Variants in UGT1A6 observed in about 807,000 individuals in gnomAD.
UGT1A6 encodes UDP glucuronosyltransferase family 1 member A6, also known as UDP-glucuronosyltransferase 1A6.
Under a neutral mutation model 44.4 loss-of-function variants are expected in UGT1A6, and 32 were observed. That is an observed-to-expected ratio of 0.72 (90% CI 0.54 to 0.97). The LOEUF is 0.97. UGT1A6 is among the 50% of genes least tolerant of loss of function. UGT1A6 has a pLI of 0.00. For synonymous variants in UGT1A6, 238 were observed against 248.5 expected, an observed-to-expected ratio of 0.96 and a Z score of 0.40; for missense variants, 685 against 661.9, an observed-to-expected ratio of 1.03 and a Z score of -0.38.
At chr2:233,743,564 G>A (rs772866173) in intron 1 of UGT1A6, 83 of 1,367,154 alleles carry the variant, frequency 6.1e-5, no homozygotes, top group Non-Finnish European at 7.6e-5. Context: ...ATTCTCCAGC[G>A]GGTTTCCCAA....
chr2:233,730,339 G>T (rs954764150), intron 1 of UGT1A6, among the ~76,000 whole-genome samples: 16 of 152,296 alleles, frequency 1.1e-4, no homozygotes, highest in Non-Finnish European at 7.4e-5. Context: ...GTTTGGAACT[G>T]ATCCATCCTG....
chr2:233,760,377 A>G (rs1697424081), intron 1 of UGT1A6: 2 of 1,614,124 alleles, frequency 1.2e-6, no homozygotes, highest in Admixed American at 1.7e-5. Flanking sequence ...CTGGGAAGAT[A>G]CTGTTGATCC....
chr2:233,757,561 T>TATATATATATATATATATATATATATAA (rs71058576), intron 1 of UGT1A6, among the ~76,000 whole-genome samples: 1 of 121,180 alleles, frequency 8.3e-6, no homozygotes, highest in Admixed American at 7.9e-5. Context: ...TATATATATA[T>TATATATATATATATATATATATATATAA]GTATATATGA....
intron 1 of UGT1A6, among the ~76,000 whole-genome samples, chr2:233,758,021 T>C (rs949274852): frequency 2.0e-5 from 3 of 152,156 alleles, no homozygotes; most frequent in African/African-American, 7.2e-5. Context: ...TGTCTCTGTC[T>C]ACCTGACCCC....
chr2:233,724,340 A>ACC (rs1221376110), intron 1 of UGT1A6, among the ~76,000 whole-genome samples: 3 of 104,180 alleles, frequency 2.9e-5, no homozygotes, highest in East Asian at 3.0e-4. Flanking sequence ...CGGGGGGCTG[A>ACC]CCCCCCCCAC....
chr2:233,727,816 A>G (rs759645481), intron 1 of UGT1A6, among the ~76,000 whole-genome samples: 3 of 152,170 alleles, frequency 2.0e-5, no homozygotes, highest in Non-Finnish European at 4.4e-5. Context: ...GTTCTGTCCA[A>G]AGGTGGAATC....
At chr2:233,763,682 G>T (rs17864705) in intron 1 of UGT1A6, among the ~76,000 whole-genome samples, 10,348 of 152,178 alleles carry the variant, frequency 0.068, 497 homozygotes, top group East Asian at 0.2. Context: ...TAAGAATAAA[G>T]ATAAAACTTT....
Position 233,772,755 on chromosome 2 carries a change from G to A in UGT1A6, c.*196G>A, listed in dbSNP as rs997044425. On this transcript the variant is annotated 3_prime_UTR_variant, in exon 5 of 5. Transcript: ENST00000305139. Reference sequence around the variant, plus strand: ...CTAGTCAGTAAAGATATTTGAATATGTATCGTGCCCCCTCTGGTGTCTTTG... The same window carrying A: ...CTAGTCAGTAAAGATATTTGAATATATATCGTGCCCCCTCTGGTGTCTTTG... 9 of 1,407,806 alleles carry A rather than the reference G, an allele frequency of 6.4e-6. No homozygotes were observed. The African/African-American group carries it at 1.3e-4, about 20-fold the overall frequency. The allele number at this position is 1,407,806 out of a possible 1,614,324, so 87.2% of individuals were successfully genotyped here.
chr2:233,711,884 G>C (rs2076202262), intron 1 of UGT1A6, among the ~76,000 whole-genome samples: 1 of 152,204 alleles, frequency 6.6e-6, no homozygotes, highest in Non-Finnish European at 1.5e-5. Flanking sequence ...GGAGCAGGAC[G>C]AGTCTCATGG....
At chr2:233,729,659 G>A in intron 1 of UGT1A6, 1 of 1,613,886 alleles carries the variant, frequency 6.2e-7, no homozygotes, top group Non-Finnish European at 8.5e-7. Context: ...AACATTCCAT[G>A]TGATTTAGAC....
intron 1 of UGT1A6, among the ~76,000 whole-genome samples, chr2:233,703,748 A>C (rs2075751541): frequency 1.3e-5 from 2 of 152,070 alleles, no homozygotes; most frequent in Admixed American, 1.3e-4. Flanking sequence ...TTTAAATCTC[A>C]AATGTATCTT....
At chr2:233,745,320 A>T (rs1693070605) in intron 1 of UGT1A6, among the ~76,000 whole-genome samples, 1 of 151,792 alleles carries the variant, frequency 6.6e-6, no homozygotes, top group African/African-American at 2.4e-5. Flanking sequence ...TTTCCACTAG[A>T]ACTGCTATAT....
rs193084224 is a variant in UGT1A6 at position 233,739,721 on chromosome 2, A to C, written c.862-27313A>C. On this transcript the variant is annotated intron_variant, in intron 1 of 4. Coordinates refer to ENST00000305139, the MANE Select transcript of UGT1A6 (RefSeq NM_001072.4). ...ACAGGCTCATGGGGGAAGGGACTTG[A>C]CTTGTCTCAGATGAGACCTTGGACT... 9.4e-3 allele frequency among the ~76,000 whole-genome samples: 1,433 copies of C among 152,244 alleles called. 32 individuals are homozygous for C. The highest frequency in any genetic ancestry group is 0.032 in the African/African-American group (1,344 of 41,496).
intron 1 of UGT1A6, among the ~76,000 whole-genome samples, chr2:233,759,532 G>GTTC (rs994787528): frequency 5.4e-4 from 82 of 152,192 alleles, no homozygotes; most frequent in African/African-American, 1.9e-3. Flanking sequence ...GAAGACTTCT[G>GTTC]TTCACATGCG....
chr2:233,736,374 G>A lies in UGT1A6; in HGVS notation c.862-30660G>A, dbSNP rs183988627. On this transcript the variant is annotated intron_variant, in intron 1 of 4. Coordinates refer to ENST00000305139, the MANE Select transcript of UGT1A6 (RefSeq NM_001072.4). ...TTTCAGCTCCATCAGGTCATTTAAG[G>A]TCTTCTCTACAGTGTTTATTCTAGT... Among the ~76,000 whole-genome samples the A allele has an allele frequency of 2.8e-3, 425 of 152,220 alleles. 22 individuals carry two copies. The South Asian group carries it at 0.086, about 31-fold the overall frequency.
intron 1 of UGT1A6, chr2:233,760,407 G>A (rs749423657): frequency 4.3e-6 from 7 of 1,614,102 alleles, no homozygotes; most frequent in Non-Finnish European, 5.9e-6. Context: ...GCAGCCACTG[G>A]CTGAGCATGC....
chr2:233,747,362 G>T lies in UGT1A6; in HGVS notation c.862-19672G>T. 4 of 1,603,780 alleles carry T rather than the reference G, an allele frequency of 2.5e-6. No homozygotes were observed. In the South Asian group the frequency reaches 4.4e-5, roughly 18 times the overall value. On this transcript the variant is annotated intron_variant, in intron 1 of 4. Coordinates refer to ENST00000305139, the MANE Select transcript of UGT1A6 (RefSeq NM_001072.4). ...CTCGCATGCGGGAGGCCGTGCGGGA[G>T]CTCCATGCCAGAGGCCACCAGGCGG...
intron 1 of UGT1A6, among the ~76,000 whole-genome samples, chr2:233,748,374 A>G (rs1187650500): frequency 2.6e-5 from 4 of 151,848 alleles, no homozygotes; most frequent in African/African-American, 9.7e-5. Flanking sequence ...ATGGTTGTGC[A>G]TGTCCTTCAT....
chr2:233,697,232 TTTTA>T (rs1162508467), intron 1 of UGT1A6, among the ~76,000 whole-genome samples: 1 of 152,140 alleles, frequency 6.6e-6, no homozygotes, highest in Non-Finnish European at 1.5e-5. Context: ...ATGAGAGACT[TTTTA>T]TTACTGCTTC....
Sources: gnomAD v4.1 joint callset for allele counts (sites outside exome capture counted in the v4.1 genomes callset) on GRCh38, gnomAD v4.1.1 for gene constraint, MANE v1.5 for transcripts, NCBI Gene and HGNC (gene_info 2026-07-23, HGNC 2026-07-21) for gene names.